ROBO2: variants seen among roughly 807,000 people sequenced by gnomAD.
ROBO2 encodes roundabout guidance receptor 2.
ROBO2 carries 53 observed loss-of-function variants against 160.8 expected under a neutral mutation model. That is an observed-to-expected ratio of 0.33 (90% CI 0.26 to 0.41). The LOEUF is 0.41. Ranked by LOEUF, ROBO2 falls within the 10% of genes least tolerant of loss-of-function variation. The probability of loss-of-function intolerance (pLI) is 1.00; values close to 1 mark genes in which losing one functional copy is unlikely to be tolerated. For missense variants in ROBO2, 1,577 were observed against 1,722.4 expected (o/e 0.92, Z 1.49); for synonymous variants, 664 against 611.7 (o/e 1.09, Z -1.26).
intron 2 of ROBO2, among the ~76,000 whole-genome samples, chr3:76,778,049 A>G (rs1467513961): frequency 1.3e-5 from 2 of 151,038 alleles, no homozygotes; most frequent in Non-Finnish European, 3.0e-5. Context: ...CAGGCTTAAG[A>G]TATGCAATGA....
Position 76,230,421 on chromosome 3 carries a change from A to G in ROBO2, c.109+292819A>G, listed in dbSNP as rs188861864. ...TTCTCCATTAATTGTCAAATTAACA[A>G]CTGCTTCAGTCTTGTCTCACTTGCC... On this transcript the variant is annotated intron_variant, in intron 2 of 26. Coordinates refer to the ROBO2 transcript ENST00000487694. 2.0e-5 allele frequency among the ~76,000 whole-genome samples: 3 copies of G among 152,224 alleles called. No individual in the cohort carries two copies. The East Asian group carries it at 5.8e-4, about 29-fold the overall frequency.
chr3:75,991,511 A>G (rs1297707546), intron 2 of ROBO2, among the ~76,000 whole-genome samples: 1 of 152,136 alleles, frequency 6.6e-6, no homozygotes, highest in Non-Finnish European at 1.5e-5. Context: ...CTTGCCTTCC[A>G]CCATGACTGT....
chr3:76,812,935 T>TTTTTTTTC (rs1419449997), intron 2 of ROBO2, among the ~76,000 whole-genome samples: 43 of 145,828 alleles, frequency 2.9e-4, no homozygotes, highest in Non-Finnish European at 5.9e-4. Context: ...TTTTTTTTTT[T>TTTTTTTTC]AGCAAATCTC....
intron 2 of ROBO2, among the ~76,000 whole-genome samples, chr3:76,866,603 G>A (rs889569812): frequency 6.6e-6 from 1 of 152,116 alleles, no homozygotes; most frequent in African/African-American, 2.4e-5. Flanking sequence ...GAACACTCAT[G>A]ACTGTCTCTT....
At chr3:76,238,055 G>A (rs1705054720) in intron 2 of ROBO2, among the ~76,000 whole-genome samples, 1 of 152,102 alleles carries the variant, frequency 6.6e-6, no homozygotes, top group South Asian at 2.1e-4. Flanking sequence ...CACATTATGG[G>A]TACTATGGCA....
At chr3:76,961,816 T>C (rs2079684469) in intron 2 of ROBO2, among the ~76,000 whole-genome samples, 1 of 152,208 alleles carries the variant, frequency 6.6e-6, no homozygotes, top group Non-Finnish European at 1.5e-5. Context: ...TTTATTGGTA[T>C]TAATGAAATT....
chr3:75,924,691 T>TTC (rs1553701804), intron 1 of ROBO2, among the ~76,000 whole-genome samples: 1 of 119,334 alleles, frequency 8.4e-6, no homozygotes, highest in East Asian at 2.4e-4. Flanking sequence ...CTTTTTTTTT[T>TTC]TTTTTTTTTT....
chr3:77,180,416 C>CTCTCTCTCTCTCTCTATATATA lies in ROBO2; in HGVS notation c.388+82077_388+82078insCTCTCTCTCTCTCTATATATAT, dbSNP rs1433740534. ...TCTCTCTCTCTCTCTCTCTCTCTCT[C>CTCTCTCTCTCTCTCTATATATA]TATATATATATATATGTATTTTTTT... On this transcript the variant is annotated intron_variant, in intron 2 of 25. Coordinates refer to ENST00000461745, the Ensembl canonical transcript of ROBO2. 1.5e-3 allele frequency among the ~76,000 whole-genome samples: 133 copies of CTCTCTCTCTCTCTCTATATATA among 90,690 alleles called. 1 individual carries two copies. The highest frequency in any genetic ancestry group is 2.3e-3 in the Non-Finnish European group (101 of 43,872). The allele number at this position is 90,690 out of a possible 152,430, so 59.5% of individuals were successfully genotyped here.
At chr3:76,215,812 C>T (rs1703480702) in intron 2 of ROBO2, among the ~76,000 whole-genome samples, 1 of 152,044 alleles carries the variant, frequency 6.6e-6, no homozygotes, top group South Asian at 2.1e-4. Flanking sequence ...ACAGAGAATG[C>T]CACAAAGATA....
intron 2 of ROBO2, among the ~76,000 whole-genome samples, chr3:76,137,832 T>G (rs2106730657): frequency 6.6e-6 from 1 of 152,040 alleles, no homozygotes; most frequent in South Asian, 2.1e-4. Context: ...TTCTGTTTTA[T>G]ATATATATAT....
intron 13 of ROBO2, among the ~76,000 whole-genome samples, chr3:77,569,793 C>T (rs1295689130): frequency 6.6e-6 from 1 of 151,800 alleles, no homozygotes; most frequent in Non-Finnish European, 1.5e-5. Context: ...ACTACATAAT[C>T]AGTCAAATTA....
At chr3:76,114,433 T>G (rs917655339) in intron 2 of ROBO2, among the ~76,000 whole-genome samples, 3 of 152,106 alleles carry the variant, frequency 2.0e-5, no homozygotes, top group Non-Finnish European at 4.4e-5. Context: ...AATAAAAAAA[T>G]TATTCATAAT....
At chr3:77,387,384 A>G (rs908857525) in intron 2 of ROBO2, among the ~76,000 whole-genome samples, 2 of 151,944 alleles carry the variant, frequency 1.3e-5, no homozygotes, top group African/African-American at 4.8e-5. Flanking sequence ...GAAGAAAAAA[A>G]GAACATCTAA....
At chr3:76,413,262 C>T (rs10222596) in intron 2 of ROBO2, among the ~76,000 whole-genome samples, 25,996 of 152,198 alleles carry the variant, frequency 0.17, 3,668 homozygotes, top group African/African-American at 0.39. Context: ...AGGTCTCTGA[C>T]ATGGCTTGGA....
chr3:77,492,396 A>G (rs13081032), intron 4 of ROBO2, among the ~76,000 whole-genome samples: 58,155 of 152,002 alleles, frequency 0.38, 11,381 homozygotes, highest in Admixed American at 0.47. Flanking sequence ...ATGGATAGGA[A>G]AAGATTTTTA....
intron 2 of ROBO2, among the ~76,000 whole-genome samples, chr3:77,362,604 G>T (rs969275081): frequency 6.6e-6 from 1 of 152,056 alleles, no homozygotes; most frequent in Non-Finnish European, 1.5e-5. Context: ...ACTGAATTTT[G>T]GTTAAGCAAA....
intron 2 of ROBO2, among the ~76,000 whole-genome samples, chr3:77,231,897 C>T (rs568158302): frequency 2.6e-5 from 4 of 152,306 alleles, no homozygotes; most frequent in Non-Finnish European, 4.4e-5. Context: ...CTCTCTCCAA[C>T]GTCCTTTAAT....
At chr3:77,378,420 A>G (rs4452305) in intron 2 of ROBO2, among the ~76,000 whole-genome samples, 16,959 of 152,150 alleles carry the variant, frequency 0.11, 1,889 homozygotes, top group African/African-American at 0.26. Context: ...AGCAGAACTA[A>G]GATATTGTAA....
At chr3:76,638,223 G>C (rs1034650201) in intron 2 of ROBO2, among the ~76,000 whole-genome samples, 3 of 152,124 alleles carry the variant, frequency 2.0e-5, no homozygotes, top group Non-Finnish European at 4.4e-5. Flanking sequence ...GTGACTGTGT[G>C]AAATGAATCA....
Sources: allele counts gnomAD v4.1 joint callset (sites outside exome capture counted in the v4.1 genomes callset), GRCh38; gene constraint gnomAD v4.1.1; transcripts MANE v1.5; gene names NCBI Gene and HGNC (gene_info 2026-07-23, HGNC 2026-07-21).